PDK1: variants seen among roughly 807,000 people sequenced by gnomAD.
PDK1 encodes pyruvate dehydrogenase kinase 1, also known as [Pyruvate dehydrogenase (acetyl-transferring)] kinase isozyme 1, mitochondrial.
Under a neutral mutation model 54.2 loss-of-function variants are expected in PDK1, and 39 were observed. The ratio of observed to expected loss-of-function variants is 0.72; its 90% CI spans 0.56 to 0.94. The LOEUF (loss-of-function observed/expected upper bound fraction) is 0.94, where lower values mean the gene tolerates loss of function less well. Among genes scored for constraint, PDK1 ranks in the 40% least tolerant of loss-of-function variants. PDK1 has a pLI of 0.00. For synonymous variants in PDK1, 221 were observed against 207.1 expected, an observed-to-expected ratio of 1.07 and a Z score of -0.58; for missense variants, 552 against 566.0, an observed-to-expected ratio of 0.98 and a Z score of 0.25.
chr2:172,658,321 T>C, the PDK1 span, among the ~76,000 whole-genome samples: 1 of 152,198 alleles, frequency 6.6e-6, no homozygotes, highest in Non-Finnish European at 1.5e-5. Flanking sequence ...CTGATAATAC[T>C]CTTATAATAA....
rs1055569668 is a variant in PDK1, at chr2:172,607,816, G to A, written c.*11847G>A. 1 of 152,300 alleles carries A rather than the reference G, an allele frequency of 6.6e-6. No individual in the cohort carries two copies. Among genetic ancestry groups the A allele is most frequent in the Non-Finnish European group, 1.5e-5 (1 of 68,156 alleles). 9.4% of individuals were successfully genotyped at this position (152,300 alleles called of 1,614,324 possible). ...GGAACTTTAGGAGCAGAGTAGTGTTGATAACTGGCATCTGGAACCTACAGT... is the reference window on the plus strand; with the variant it reads ...GGAACTTTAGGAGCAGAGTAGTGTTAATAACTGGCATCTGGAACCTACAGT... On this transcript the variant is annotated 3_prime_UTR_variant, in exon 11 of 11. Coordinates refer to ENST00000282077, the MANE Select transcript of PDK1 (RefSeq NM_002610.5).
At chr2:172,683,147 C>A in the PDK1 span, among the ~76,000 whole-genome samples, 1 of 152,062 alleles carries the variant, frequency 6.6e-6, no homozygotes, top group East Asian at 1.9e-4. Context: ...GAGATTGAGA[C>A]CATTCTGGCG....
the PDK1 span, among the ~76,000 whole-genome samples, chr2:172,678,372 G>T: frequency 6.6e-6 from 1 of 151,944 alleles, no homozygotes; most frequent in Non-Finnish European, 1.5e-5. Context: ...AAATGTAGAG[G>T]TAAATGCCAG....
the PDK1 span, among the ~76,000 whole-genome samples, chr2:172,697,184 C>A: frequency 4.6e-5 from 7 of 152,132 alleles, no homozygotes; most frequent in Non-Finnish European, 1.0e-4. Context: ...CTAGTTCTCT[C>A]ATTTGCCAAT....
chr2:172,624,414 G>T, the PDK1 span, among the ~76,000 whole-genome samples: 1 of 152,094 alleles, frequency 6.6e-6, no homozygotes, highest in Non-Finnish European at 1.5e-5. Flanking sequence ...CTCATAGAAG[G>T]GTGAACCCCA....
the PDK1 span, among the ~76,000 whole-genome samples, chr2:172,688,726 C>T: frequency 6.6e-6 from 1 of 152,116 alleles, no homozygotes; most frequent in Non-Finnish European, 1.5e-5. Context: ...CAGTGCACTC[C>T]CCCTAGCACC....
At chr2:172,576,880 G>T (rs1201388815) in intron 8 of PDK1, among the ~76,000 whole-genome samples, 1 of 152,152 alleles carries the variant, frequency 6.6e-6, no homozygotes, top group Non-Finnish European at 1.5e-5. Context: ...CTAACATAGG[G>T]TCTGTCTTGG....
At position 172,599,224 on chromosome 2, in the gene PDK1, A is replaced by C. The variant is rs576913310; in HGVS notation, c.*3255A>C. ...CTGCTTGTACCAATTGAATGGCAGAACTACTATAGTCAAAAATAAATTCCT... is the reference window on the plus strand; with the variant it reads ...CTGCTTGTACCAATTGAATGGCAGACCTACTATAGTCAAAAATAAATTCCT... On this transcript the variant is annotated 3_prime_UTR_variant, in exon 11 of 11. Transcript: ENST00000282077. 9.9e-5 allele frequency: 15 copies of C among 152,194 alleles called. No individual in the cohort carries two copies. The South Asian group carries it at 1.0e-3, about 11-fold the overall frequency. 9.4% of individuals were successfully genotyped at this position (152,194 alleles called of 1,614,324 possible). A position where few individuals can be genotyped will look rare whatever the true frequency, so the allele number is the denominator to read the frequency against.
the PDK1 span, among the ~76,000 whole-genome samples, chr2:172,702,592 C>T: frequency 6.7e-6 from 1 of 148,698 alleles, no homozygotes. Context: ...AGCTTCTCTG[C>T]CTCCTAACTG....
In PDK1 at chr2:172,586,291, G is replaced by A; in HGVS notation, c.959G>A (p.Gly320Glu). The change falls in exon 9 of 11, where the codon GGA becomes GAA. Residue 320 changes from glycine (G) to glutamate (E), a missense_variant. Coordinates refer to ENST00000282077, the MANE Select transcript of PDK1 (RefSeq NM_002610.5). ...EDLTVKMSDR[G>E]GGVPLRKIDR... The stretch of plus-strand genomic sequence containing the variant: ...TTCTTACCTTAGATGAGTGACCGAG[G>A]AGGTGGCGTTCCTTTGAGGAAAATT... The A allele has an allele frequency of 1.2e-6, 2 of 1,609,710 alleles. No individual in the cohort carries two copies. The highest frequency in any genetic ancestry group is 1.7e-6 in the Non-Finnish European group (2 of 1,176,088).
At chr2:172,579,532 T>C (rs1226867492) in intron 8 of PDK1, among the ~76,000 whole-genome samples, 1 of 148,552 alleles carries the variant, frequency 6.7e-6, no homozygotes, top group Non-Finnish European at 1.5e-5. Flanking sequence ...TTTCTTTTTT[T>C]TTTTTTTTTT....
the PDK1 span, among the ~76,000 whole-genome samples, chr2:172,711,413 T>C: frequency 6.6e-6 from 1 of 152,202 alleles, no homozygotes; most frequent in Non-Finnish European, 1.5e-5. Context: ...GCAGTTTAGG[T>C]CCGCAGGAAA....
At chr2:172,570,185 A>G (rs1689169672) in intron 7 of PDK1, among the ~76,000 whole-genome samples, 1 of 152,152 alleles carries the variant, frequency 6.6e-6, no homozygotes, top group Non-Finnish European at 1.5e-5. Context: ...AAGGCTTCTG[A>G]TATGTTGGCA....
chr2:172,711,082 A>G, the PDK1 span, among the ~76,000 whole-genome samples: 1 of 152,208 alleles, frequency 6.6e-6, no homozygotes, highest in African/African-American at 2.4e-5. Flanking sequence ...CATCCTCTTT[A>G]AGCCTAGATT....
the PDK1 span, among the ~76,000 whole-genome samples, chr2:172,673,022 CA>C: frequency 6.6e-6 from 1 of 152,050 alleles, no homozygotes; most frequent in Non-Finnish European, 1.5e-5. Flanking sequence ...GAGACTGAGG[CA>C]AGTTTTAGAG....
At chr2:172,594,534 A>C (rs971641734) in intron 10 of PDK1, among the ~76,000 whole-genome samples, 1 of 152,218 alleles carries the variant, frequency 6.6e-6, no homozygotes, top group Non-Finnish European at 1.5e-5. Context: ...GCTTCATTCA[A>C]AGCCATCCTG....
the PDK1 span, among the ~76,000 whole-genome samples, chr2:172,623,992 C>G: frequency 1.3e-5 from 2 of 152,112 alleles, no homozygotes; most frequent in Non-Finnish European, 2.9e-5. Context: ...GCTACTTACC[C>G]CTGCCTTCTG....
the PDK1 span, among the ~76,000 whole-genome samples, chr2:172,662,560 T>G: frequency 6.7e-6 from 1 of 149,564 alleles, no homozygotes; most frequent in Non-Finnish European, 1.5e-5. Context: ...TTATTCAGAT[T>G]TTTAATTATT....
At chr2:172,686,936 A>G in the PDK1 span, among the ~76,000 whole-genome samples, 1 of 152,244 alleles carries the variant, frequency 6.6e-6, no homozygotes, top group Non-Finnish European at 1.5e-5. Flanking sequence ...TGTCTTTGAT[A>G]TCATCTTTAA....
Sources: gnomAD v4.1 joint callset for allele counts (sites outside exome capture counted in the v4.1 genomes callset) on GRCh38, gnomAD v4.1.1 for gene constraint, MANE v1.5 for transcripts, NCBI Gene and HGNC (gene_info 2026-07-23, HGNC 2026-07-21) for gene names.